IARS2: variants seen among roughly 807,000 people sequenced by gnomAD.
The protein encoded by IARS2 is isoleucine--tRNA ligase, mitochondrial.
A neutral mutation model predicts 126.3 loss-of-function variants in IARS2; 56 were observed. The observed-to-expected ratio is 0.44, with a 90% CI of 0.36 to 0.55. The LOEUF (loss-of-function observed/expected upper bound fraction) is 0.55. Ranked by LOEUF, IARS2 falls within the 20% of genes least tolerant of loss-of-function variation. IARS2 has a pLI of 0.00. For missense variants in IARS2, 1,127 were observed against 1,245.9 expected, an observed-to-expected ratio of 0.90 and a Z score of 1.44; for synonymous variants, 407 against 441.1, an observed-to-expected ratio of 0.92 and a Z score of 0.97.
At chr1:220,094,866 A>G (rs987046006) in intron 1 of IARS2, among the ~76,000 whole-genome samples, 3 of 152,100 alleles carry the variant, frequency 2.0e-5, no homozygotes, top group Non-Finnish European at 4.4e-5. Context: ...GGCTGGGCGC[A>G]GTGGCTCACG....
At chr1:220,120,164 C>G (rs1387579198) in intron 12 of IARS2, among the ~76,000 whole-genome samples, 1 of 150,708 alleles carries the variant, frequency 6.6e-6, no homozygotes, top group Admixed American at 6.6e-5. Context: ...TAACTGCAAC[C>G]TCTGCCTCCC....
At chr1:220,117,184 C>CTTTTTTTTTT (rs1192537887) in intron 12 of IARS2, among the ~76,000 whole-genome samples, 30 of 48,458 alleles carry the variant, frequency 6.2e-4, no homozygotes, top group South Asian at 9.5e-4. Context: ...GTCTCCTCTT[C>CTTTTTTTTTT]TTTTTTTTTT....
At chr1:220,138,886 G>A (rs953156980) in intron 17 of IARS2, 122 bp from the exon 18 acceptor site, 5 of 874,758 alleles carry the variant, frequency 5.7e-6, no homozygotes, top group Non-Finnish European at 8.7e-6. Flanking sequence ...GTCTTATTTG[G>A]AATGATAATA....
chr1:220,100,511 C>T lies in IARS2; in HGVS notation c.412C>T (p.Arg138Ter), dbSNP rs1352084435. The change falls in exon 3 of 23, where the codon CGA becomes TGA. Residue 138 changes from arginine to a stop codon, truncating the protein, a stop_gained. Transcript: ENST00000366922. LOFTEE classifies it high-confidence loss of function. ...LNKILKDIAN[R>*]FHMMNGSKIH... The stretch of plus-strand genomic sequence containing the variant: ...GCAGATTTTGAAAGACATAGCCAAT[C>T]GATTCCATATGATGAATGGCTCCAA... The T allele has an allele frequency of 9.9e-6, 16 of 1,609,816 alleles. No homozygotes were observed. The highest frequency in any genetic ancestry group is 1.4e-5 in the Non-Finnish European group (16 of 1,178,066).
chr1:220,115,915 T>G (rs193179413), intron 12 of IARS2, among the ~76,000 whole-genome samples: 42 of 152,294 alleles, frequency 2.8e-4, no homozygotes, highest in Admixed American at 2.4e-3. Context: ...GAGCTATTCA[T>G]GTATTCACTT....
Position 220,147,870 on chromosome 1 carries a change from T to C in IARS2, c.*235T>C, listed in dbSNP as rs1372361342. On this transcript the variant is annotated 3_prime_UTR_variant, in exon 23 of 23. Transcript: ENST00000366922. ...GTGTGTGTGTATCTGTGGATGGATA[T>C]ATGTATATCTCTTCCTATATATATC... 2 of 499,270 alleles carry C rather than the reference T, an allele frequency of 4.0e-6. No individual in the cohort carries two copies. Among genetic ancestry groups the C allele is most frequent in the African/African-American group, 1.9e-5 (1 of 52,944 alleles). The allele number at this position is 499,270 out of a possible 1,614,324, so 30.9% of individuals were successfully genotyped here. A position where few individuals can be genotyped will look rare whatever the true frequency, so the allele number is the denominator to read the frequency against.
intron 11 of IARS2, among the ~76,000 whole-genome samples, chr1:220,112,884 A>G (rs1354105841): frequency 2.0e-5 from 3 of 151,396 alleles, no homozygotes; most frequent in Non-Finnish European, 4.4e-5. Flanking sequence ...TTTTCTTGAG[A>G]TGGAGTTTCA....
At chr1:220,126,106 CAAAA>C (rs372363841) in intron 13 of IARS2, among the ~76,000 whole-genome samples, 1 of 81,458 alleles carries the variant, frequency 1.2e-5, no homozygotes, top group Non-Finnish European at 2.5e-5. Flanking sequence ...AACTCTGTCT[CAAAA>C]AAAAAAAAAA....
At chr1:220,112,124 C>CTTTTTTTTTT (rs1279509771) in intron 11 of IARS2, among the ~76,000 whole-genome samples, 1 of 114,756 alleles carries the variant, frequency 8.7e-6, no homozygotes, top group African/African-American at 3.4e-5. Flanking sequence ...CGACCACCTA[C>CTTTTTTTTTT]TTTTTTTTTT....
chr1:220,094,196 G>T lies in IARS2; in HGVS notation c.-21G>T. The stretch of plus-strand genomic sequence containing the variant: ...AGCTGGGGCGGGAGCGGAGGACCCC[G>T]CTCTCAGGGGTTGCCGGACCATGCG... On this transcript the variant is annotated 5_prime_UTR_variant, in exon 1 of 23. Transcript: ENST00000366922. The T allele has an allele frequency of 6.5e-7, 1 of 1,535,268 alleles. No homozygotes were observed. The highest frequency in any genetic ancestry group is 8.7e-7 in the Non-Finnish European group (1 of 1,145,092).
intron 2 of IARS2, among the ~76,000 whole-genome samples, chr1:220,098,070 G>T (rs900726427): frequency 6.6e-6 from 1 of 151,908 alleles, no homozygotes; most frequent in African/African-American, 2.4e-5. Flanking sequence ...TTATTTTTTA[G>T]TAGAGACGTG....
chr1:220,143,896 T>G (rs1471542351), intron 21 of IARS2: 5 of 765,896 alleles, frequency 6.5e-6, no homozygotes, highest in African/African-American at 1.7e-5. Flanking sequence ...AGAAGAGAAT[T>G]GGCAATGAAT....
At chr1:220,125,428 T>TTA in intron 13 of IARS2, 89 bp downstream of exon 13, 1 of 756,182 alleles carries the variant, frequency 1.3e-6, no homozygotes, top group Middle Eastern at 2.4e-4. Context: ...AAAAATTATC[T>TTA]TATGTAAAGT....
chr1:220,130,637 A>C (rs892719860), intron 14 of IARS2, among the ~76,000 whole-genome samples: 20 of 152,120 alleles, frequency 1.3e-4, no homozygotes, highest in Admixed American at 9.8e-4. Flanking sequence ...GGCTCACTGC[A>C]AGCTCCGCCT....
intron 20 of IARS2, among the ~76,000 whole-genome samples, chr1:220,142,657 C>T (rs1657513887): frequency 6.6e-6 from 1 of 152,172 alleles, no homozygotes; most frequent in East Asian, 1.9e-4. Flanking sequence ...TAATGTTACT[C>T]CTGATAGCTG....
intron 20 of IARS2, 72 bp from the exon 21 acceptor site, chr1:220,142,872 A>G (rs1395225187): frequency 2.9e-5 from 29 of 1,009,334 alleles, no homozygotes; most frequent in Admixed American, 1.3e-4. Context: ...AATGGTAACT[A>G]TTTAATGGTT....
intron 2 of IARS2, 128 bp from the exon 3 acceptor site, chr1:220,100,362 A>G: frequency 1.3e-6 from 1 of 760,620 alleles, no homozygotes; most frequent in East Asian, 2.8e-5. Flanking sequence ...AAGTTTAAAA[A>G]AAAGAACATA....
Position 220,141,826 on chromosome 1 carries a change from A to G in IARS2, c.2438A>G (p.Asp813Gly). 6.2e-7 allele frequency: 1 copy of G among 1,611,534 alleles called. No individual in the cohort carries two copies. The highest frequency in any genetic ancestry group is 8.5e-7 in the Non-Finnish European group (1 of 1,179,154). ...AGGCTCTATTGTGAAAAGGAAAATG[A>G]CCCCAAACGACGCTCTTGTCAGACT... ...KDRLYCEKEN[D>G]PKRRSCQTAL... is the part of the protein sequence containing the mutation. The change falls in exon 20 of 23, where the codon GAC (aspartate) becomes GGC (glycine). Residue 813 changes from aspartate (D) to glycine (G), a missense_variant. By Grantham distance (94) the Asp-to-Gly change is moderately conservative (BLOSUM62 -1). Transcript: ENST00000366922.
At chr1:220,113,822 G>A (rs564698228) in intron 11 of IARS2, among the ~76,000 whole-genome samples, 2 of 152,192 alleles carry the variant, frequency 1.3e-5, no homozygotes, top group African/African-American at 4.8e-5. Flanking sequence ...TTTTGAGAAA[G>A]TGTTTTCTGT....
Sources: gnomAD v4.1 joint callset for allele counts (sites outside exome capture counted in the v4.1 genomes callset) on GRCh38, gnomAD v4.1.1 for gene constraint, MANE v1.5 for transcripts, NCBI Gene and HGNC (gene_info 2026-07-23, HGNC 2026-07-21) for gene names.